ERI1: variants seen among roughly 807,000 people sequenced by gnomAD.
The protein encoded by ERI1 is 3'-5' exoribonuclease 1.
Under a neutral mutation model 39.7 loss-of-function variants are expected in ERI1, and 39 were observed. That is an observed-to-expected ratio of 0.98 (90% CI 0.76 to 1.28). The LOEUF is 1.28. ERI1 is among the 50% of genes most tolerant of loss of function. The pLI, the probability that ERI1 is intolerant of heterozygous loss-of-function variation, is 0.00. For synonymous variants in ERI1, 204 were observed against 149.6 expected (o/e 1.36, Z -2.65); for missense variants, 581 against 416.9 (o/e 1.39, Z -3.43).
At chr8:9,095,910 G>A (rs180709222) in intron 3 of ERI1, among the ~76,000 whole-genome samples, 1 of 152,188 alleles carries the variant, frequency 6.6e-6, no homozygotes, top group African/African-American at 2.4e-5. Context: ...CCTCATTAAA[G>A]AAATGTTTCG....
chr8:9,070,474 T>A (rs1799013485), intron 3 of ERI1, among the ~76,000 whole-genome samples: 1 of 152,070 alleles, frequency 6.6e-6, no homozygotes, highest in South Asian at 2.1e-4. Context: ...GGCAACAGAA[T>A]AAGACCTTGT....
intron 3 of ERI1, among the ~76,000 whole-genome samples, chr8:9,079,837 A>T (rs1006982280): frequency 1.3e-5 from 2 of 151,996 alleles, no homozygotes; most frequent in African/African-American, 2.4e-5. Context: ...GGCCTGGGTA[A>T]TTTTTGTATT....
At chr8:9,077,572 C>T (rs1197585707) in intron 3 of ERI1, among the ~76,000 whole-genome samples, 4 of 152,118 alleles carry the variant, frequency 2.6e-5, no homozygotes, top group Non-Finnish European at 5.9e-5. Flanking sequence ...GACAGAGGGG[C>T]AGAAATGCAC....
intron 6 of ERI1, among the ~76,000 whole-genome samples, chr8:9,029,419 C>G (rs1220699557): frequency 6.6e-6 from 1 of 152,158 alleles, no homozygotes; most frequent in Non-Finnish European, 1.5e-5. Flanking sequence ...GCCTCCACCT[C>G]CCAGGTTCAG....
chr8:9,037,891 T>TAAA (rs33912518), downstream of ERI1, among the ~76,000 whole-genome samples: 9 of 145,794 alleles, frequency 6.2e-5, no homozygotes, highest in African/African-American at 2.0e-4. Context: ...ATTGCTGATT[T>TAAA]AAAAAAAAAA....
intron 3 of ERI1, among the ~76,000 whole-genome samples, chr8:9,070,243 A>C (rs1799006158): frequency 6.6e-6 from 1 of 151,892 alleles, no homozygotes; most frequent in South Asian, 2.1e-4. Flanking sequence ...TCTCAAAAAA[A>C]AAAACAAAAC....
chr8:9,090,361 T>G (rs140819746), intron 3 of ERI1, among the ~76,000 whole-genome samples: 178 of 152,286 alleles, frequency 1.2e-3, no homozygotes, highest in African/African-American at 4.1e-3. Flanking sequence ...TTCAAAGTTC[T>G]CATTGGTTGA....
rs147425083 is a variant in ERI1, at chr8:9,025,082, A to G, written c.807+4618A>G. 3.3e-4 allele frequency among the ~76,000 whole-genome samples: 50 copies of G among 152,336 alleles called. 1 individual carries two copies. The East Asian group carries it at 9.5e-3, about 29-fold the overall frequency. Reference sequence around the variant, plus strand: ...TTAAGTCTGTCTCTGGTGTACAGTCAGATTGTACCTATAAAGCTCTTTTCT... The same window carrying G: ...TTAAGTCTGTCTCTGGTGTACAGTCGGATTGTACCTATAAAGCTCTTTTCT... On this transcript the variant is annotated intron_variant, in intron 6 of 6. Transcript: ENST00000250263.
chr8:9,009,781 A>AC (rs1250455491), intron 2 of ERI1, among the ~76,000 whole-genome samples: 1 of 151,532 alleles, frequency 6.6e-6, no homozygotes, highest in Non-Finnish European at 1.5e-5. Context: ...CAAGTGATTC[A>AC]CCCCCCTCCC....
chr8:9,096,724 T>TA (rs1799887923), intron 3 of ERI1: 2 of 145,306 alleles, frequency 1.4e-5, no homozygotes, highest in East Asian at 4.0e-4. Context: ...TTTTTTTTTT[T>TA]TTTTTTTTTT....
chr8:9,060,409 C>T (rs1176059415), intron 3 of ERI1, among the ~76,000 whole-genome samples: 16 of 149,584 alleles, frequency 1.1e-4, no homozygotes, highest in Admixed American at 5.3e-4. Flanking sequence ...TGGTGGGGGG[C>T]GGGGGCAAAT....
chr8:9,041,175 G>A (rs551479747), intron 3 of ERI1, among the ~76,000 whole-genome samples: 1 of 152,288 alleles, frequency 6.6e-6, no homozygotes, highest in African/African-American at 2.4e-5. Context: ...AGAAAAATGT[G>A]GGAATTCCAA....
chr8:9,004,912 T>C (rs1815819460), intron 1 of ERI1, among the ~76,000 whole-genome samples: 1 of 152,102 alleles, frequency 6.6e-6, no homozygotes, highest in Non-Finnish European at 1.5e-5. Context: ...GGTCTGGAAC[T>C]CCTGACCTCA....
chr8:9,012,274 A>T (rs1816752857), intron 3 of ERI1, among the ~76,000 whole-genome samples: 1 of 152,230 alleles, frequency 6.6e-6, no homozygotes, highest in Non-Finnish European at 1.5e-5. Context: ...GAAATGACTC[A>T]TATAACCCTG....
rs748396027 is a variant in ERI1, at chr8:9,020,438, C to G, written c.781C>G (p.Arg261Gly). ...PPFAKKWINI[R>G]KSYGNFYKVP... ...TTTTGCGAAAAAGTGGATCAATATT[C>G]GGAAGTCATATGGAAATTTTTACAA... Residue 261 changes from arginine (R) to glycine (G), a missense_variant, in exon 6 of 7, where the codon CGG (arginine) becomes GGG (glycine). By Grantham distance (125) the Arg-to-Gly change is moderately radical (BLOSUM62 -2). Coordinates refer to ENST00000250263, the MANE Select transcript of ERI1 (RefSeq NM_153332.4). The G allele has an allele frequency of 1.2e-6, 2 of 1,603,308 alleles. No homozygotes were observed. The highest frequency in any genetic ancestry group is 1.7e-6 in the Non-Finnish European group (2 of 1,175,184).
At chr8:9,070,563 G>A (rs539487226) in intron 3 of ERI1, among the ~76,000 whole-genome samples, 1 of 152,162 alleles carries the variant, frequency 6.6e-6, no homozygotes, top group Non-Finnish European at 1.5e-5. Context: ...TACTAGTATG[G>A]AACAGAAAGG....
At chr8:9,044,763 G>A (rs984897408) in intron 3 of ERI1, among the ~76,000 whole-genome samples, 2 of 152,002 alleles carry the variant, frequency 1.3e-5, no homozygotes, top group African/African-American at 4.8e-5. Flanking sequence ...TCTCCAAGAC[G>A]GTATTTTCCC....
intron 3 of ERI1, among the ~76,000 whole-genome samples, chr8:9,097,399 A>C (rs1290926298): frequency 6.6e-6 from 1 of 152,170 alleles, no homozygotes; most frequent in Non-Finnish European, 1.5e-5. Flanking sequence ...GCGGTGGCTC[A>C]CGCCTGTAAT....
At chr8:9,004,885 A>G (rs1815815378) in intron 1 of ERI1, among the ~76,000 whole-genome samples, 1 of 151,840 alleles carries the variant, frequency 6.6e-6, no homozygotes, top group Non-Finnish European at 1.5e-5. Context: ...ATGGGGTTTC[A>G]CCATGTTGGC....
Sources: gnomAD v4.1 joint callset for allele counts (sites outside exome capture counted in the v4.1 genomes callset) on GRCh38, gnomAD v4.1.1 for gene constraint, MANE v1.5 for transcripts, NCBI Gene and HGNC (gene_info 2026-07-23, HGNC 2026-07-21) for gene names.